Variants in CCDC13 observed in about 807,000 individuals in gnomAD.
CCDC13 encodes the protein coiled-coil domain-containing protein 13.
Under a neutral mutation model 87.3 loss-of-function variants are expected in CCDC13, and 70 were observed. The observed-to-expected ratio is 0.80, with a 90% CI of 0.66 to 0.98. CCDC13 has a LOEUF of 0.98. Among genes scored for constraint, CCDC13 ranks in the 50% least tolerant of loss-of-function variants. CCDC13 has a pLI of 0.00. For missense variants in CCDC13, 842 were observed against 892.0 expected (o/e 0.94, Z 0.71); for synonymous variants, 317 against 360.3 (o/e 0.88, Z 1.36).
Position 42,735,700 on chromosome 3 carries a change from T to C in CCDC13, c.1371+7A>G. The C allele has an allele frequency of 6.2e-7, 1 of 1,613,542 alleles. No individual in the cohort carries two copies. On this transcript the variant is annotated splice_region_variant and intron_variant, in intron 10 of 15. Coordinates refer to ENST00000310232, the MANE Select transcript of CCDC13 (RefSeq NM_144719.4). The stretch of plus-strand genomic sequence containing the variant: ...ATGGGTTTGGGCGCTGCCAGTGCCC[T>C]ACTCACGTGCACATTGAGTTGTCCG...
At chr3:42,714,575 T>C (rs530020873) in intron 13 of CCDC13, among the ~76,000 whole-genome samples, 1 of 152,370 alleles carries the variant, frequency 6.6e-6, no homozygotes, top group South Asian at 2.1e-4. Flanking sequence ...TTCAGACTTC[T>C]ATGATACTAA....
chr3:42,750,840 C>T (rs1349918243), intron 5 of CCDC13, among the ~76,000 whole-genome samples: 5 of 152,210 alleles, frequency 3.3e-5, no homozygotes, highest in Non-Finnish European at 7.3e-5. Flanking sequence ...AGTTTCCTAT[C>T]CAGGGCAGCC....
At chr3:42,725,435 G>A (rs1194525943) in intron 13 of CCDC13, among the ~76,000 whole-genome samples, 4 of 151,450 alleles carry the variant, frequency 2.6e-5, no homozygotes, top group Non-Finnish European at 5.9e-5. Flanking sequence ...TCCAGAGGCT[G>A]AGGTGGGAGG....
At position 42,723,658 on chromosome 3, in the gene CCDC13, G is replaced by A. The variant is rs181005594; in HGVS notation, c.1718+6809C>T. 6.6e-4 allele frequency among the ~76,000 whole-genome samples: 100 copies of A among 152,158 alleles called. No individual in the cohort carries two copies. In the South Asian group the frequency reaches 7.9e-3, roughly 12 times the overall value. ...ATTCAACATCGGAATTAGGTTAAAG[G>A]AAAAAATCAGGTAATCCTTCCAATA... On this transcript the variant is annotated intron_variant, in intron 13 of 15. Transcript: ENST00000310232.
intron 7 of CCDC13, 142 bp from the exon 8 acceptor site, chr3:42,743,199 G>T: frequency 1.2e-6 from 1 of 844,146 alleles, no homozygotes; most frequent in Non-Finnish European, 1.8e-6. Flanking sequence ...GAGGACTAGG[G>T]GTGGGGGACA....
At chr3:42,751,522 C>T (rs1699578458) in intron 5 of CCDC13, among the ~76,000 whole-genome samples, 5 of 152,220 alleles carry the variant, frequency 3.3e-5, no homozygotes, top group Admixed American at 3.3e-4. Context: ...TAGTGAGCTC[C>T]CTGTCCCTGG....
chr3:42,750,628 T>C (rs1385851200), intron 5 of CCDC13, among the ~76,000 whole-genome samples: 1 of 152,190 alleles, frequency 6.6e-6, no homozygotes, highest in Non-Finnish European at 1.5e-5. Flanking sequence ...CCACCATGCC[T>C]GGCTAATTGT....
intron 1 of CCDC13, among the ~76,000 whole-genome samples, chr3:42,771,271 G>A (rs1267899871): frequency 6.6e-6 from 1 of 152,202 alleles, no homozygotes; most frequent in Admixed American, 6.5e-5. Context: ...TTACAGAGAA[G>A]TAAAAGATAC....
chr3:42,739,808 T>C lies in CCDC13; in HGVS notation c.990A>G (p.Lys330=). The C allele has an allele frequency of 6.2e-7, 1 of 1,613,616 alleles. No individual in the cohort carries two copies. Among genetic ancestry groups the C allele is most frequent in the African/African-American group, 1.3e-5 (1 of 75,022 alleles). The change falls in exon 9 of 16, where the codon AAA becomes AAG. Residue 330 remains lysine (K), a splice_region_variant and synonymous_variant. Coordinates refer to ENST00000310232, the MANE Select transcript of CCDC13 (RefSeq NM_144719.4). ...GGAGGACATCCCGTTCACTGGCAAG[T>C]TTCTGTAATTAGAAAGTGAGGGCAT... is the stretch of plus-strand genomic sequence containing the variant. ...LEREKQEGLE[K]LASERDVLQR...
intron 1 of CCDC13, among the ~76,000 whole-genome samples, chr3:42,766,514 G>A (rs1003526300): frequency 3.3e-5 from 5 of 151,790 alleles, no homozygotes; most frequent in African/African-American, 1.2e-4. Context: ...GTGAAAGGAG[G>A]GGAGGTAATT....
At chr3:42,735,512 A>G (rs1698978258) in intron 10 of CCDC13, among the ~76,000 whole-genome samples, 195 bp downstream of exon 10, 1 of 152,152 alleles carries the variant, frequency 6.6e-6, no homozygotes. Flanking sequence ...CCATGAACAG[A>G]TTTTAAGTAG....
chr3:42,754,444 A>G (rs185355625), intron 3 of CCDC13, among the ~76,000 whole-genome samples: 4 of 152,328 alleles, frequency 2.6e-5, no homozygotes, highest in Admixed American at 6.5e-5. Context: ...GTTGTGTGTC[A>G]GGAGGGTAAC....
At chr3:42,768,740 A>G (rs1170309472) in intron 1 of CCDC13, among the ~76,000 whole-genome samples, 1 of 152,162 alleles carries the variant, frequency 6.6e-6, no homozygotes, top group Admixed American at 6.5e-5. Context: ...AAGAGAAGCC[A>G]TAGAGACTGG....
At chr3:42,729,516 C>T (rs1698769516) in intron 13 of CCDC13, among the ~76,000 whole-genome samples, 5 of 152,322 alleles carry the variant, frequency 3.3e-5, no homozygotes, top group Admixed American at 6.5e-5. Context: ...TGTGAGCACC[C>T]GGAGGAACTT....
At chr3:42,737,064 GC>G (rs1308425813) in intron 9 of CCDC13, among the ~76,000 whole-genome samples, 3 of 147,756 alleles carry the variant, frequency 2.0e-5, no homozygotes, top group Non-Finnish European at 4.5e-5. Flanking sequence ...CCCTCCCCCA[GC>G]CCCCCACCCA....
chr3:42,727,246 C>A (rs1698712243), intron 13 of CCDC13, among the ~76,000 whole-genome samples: 1 of 152,096 alleles, frequency 6.6e-6, no homozygotes, highest in Non-Finnish European at 1.5e-5. Context: ...GTGGCTCACA[C>A]CTGTAGTCCC....
At position 42,713,298 on chromosome 3, in the gene CCDC13, G is replaced by T. The variant is rs889682321; in HGVS notation, c.1737C>A (p.Ser579Arg). The T allele has an allele frequency of 6.2e-7, 1 of 1,613,922 alleles. No individual in the cohort carries two copies. The highest frequency in any genetic ancestry group is 8.5e-7 in the Non-Finnish European group (1 of 1,179,988). The change falls in exon 14 of 16, where the codon AGC becomes AGA. Residue 579 changes from serine to arginine, a missense_variant. Physicochemically the swap from Ser to Arg is moderately radical, Grantham distance 110. Coordinates refer to ENST00000310232, the MANE Select transcript of CCDC13 (RefSeq NM_144719.4). ...VLQKRVEESN[S>R]KLLESERKLQ... is the part of the protein sequence containing the mutation. ...GCTTCCTCTCTGACTCCAGGAGCTT[G>T]CTGTTGCTCTCCTCCACCCTGGTGA...
intron 8 of CCDC13, among the ~76,000 whole-genome samples, chr3:42,741,904 T>C (rs1305702026): frequency 2.0e-5 from 3 of 152,222 alleles, no homozygotes; most frequent in Admixed American, 2.0e-4. Context: ...TGGTCATGGT[T>C]ACAGCATTCC....
chr3:42,764,412 A>G (rs1261347560), intron 1 of CCDC13, among the ~76,000 whole-genome samples: 3 of 152,222 alleles, frequency 2.0e-5, no homozygotes, highest in Non-Finnish European at 4.4e-5. Context: ...AAAAGTTTAC[A>G]GATCTGGCAA....
Sources: allele counts gnomAD v4.1 joint callset (sites outside exome capture counted in the v4.1 genomes callset), GRCh38; gene constraint gnomAD v4.1.1; transcripts MANE v1.5; gene names NCBI Gene and HGNC (gene_info 2026-07-23, HGNC 2026-07-21).